Variants in NKAIN2 observed in about 807,000 individuals in gnomAD.
The protein encoded by NKAIN2 is sodium/potassium transporting ATPase interacting 2.
A neutral mutation model predicts 32.6 loss-of-function variants in NKAIN2; 14 were observed. The observed-to-expected ratio is 0.43, with a 90% CI of 0.28 to 0.67. The LOEUF (loss-of-function observed/expected upper bound fraction) is 0.67. Among genes scored for constraint, NKAIN2 ranks in the 30% least tolerant of loss-of-function variants. The pLI, the probability that NKAIN2 is intolerant of heterozygous loss-of-function variation, is 0.17. For missense variants in NKAIN2, 198 were observed against 258.3 expected (o/e 0.77, Z 1.60); for synonymous variants, 80 against 87.2 (o/e 0.92, Z 0.46).
intron 4 of NKAIN2, among the ~76,000 whole-genome samples, chr6:124,695,385 A>G (rs919152451): frequency 6.6e-6 from 1 of 152,348 alleles, no homozygotes; most frequent in South Asian, 2.1e-4. Flanking sequence ...GGGCAAATCT[A>G]TTCTTACCAG....
At chr6:124,349,680 G>A (rs1798621331) in intron 2 of NKAIN2, among the ~76,000 whole-genome samples, 1 of 152,022 alleles carries the variant, frequency 6.6e-6, no homozygotes, top group Non-Finnish European at 1.5e-5. Flanking sequence ...TACTACCTTG[G>A]TCTACCTTTC....
intron 3 of NKAIN2, among the ~76,000 whole-genome samples, chr6:124,559,783 GC>G (rs1780616346): frequency 6.8e-6 from 1 of 147,076 alleles, no homozygotes; most frequent in African/African-American, 2.5e-5. Context: ...GTGGAGCAGA[GC>G]CCCCTCAGCT....
intron 1 of NKAIN2, among the ~76,000 whole-genome samples, chr6:123,979,460 C>A (rs1433373461): frequency 6.6e-6 from 1 of 152,108 alleles, no homozygotes; most frequent in African/African-American, 2.4e-5. Flanking sequence ...GTATGCTGAG[C>A]AATTTGGACA....
intron 3 of NKAIN2, among the ~76,000 whole-genome samples, chr6:124,536,479 A>G (rs921712306): frequency 1.8e-4 from 28 of 152,026 alleles, no homozygotes; most frequent in Admixed American, 1.1e-3. Flanking sequence ...TCATGCCCTC[A>G]GTCTTTGCTA....
At chr6:124,318,747 A>G (rs181834617) in intron 2 of NKAIN2, among the ~76,000 whole-genome samples, 70 of 143,746 alleles carry the variant, frequency 4.9e-4, no homozygotes, top group African/African-American at 2.0e-3. Flanking sequence ...GTACAGAAAC[A>G]AGAGTGCAGC....
intron 5 of NKAIN2, among the ~76,000 whole-genome samples, chr6:124,817,689 T>C (rs900774994): frequency 3.3e-5 from 5 of 152,320 alleles, no homozygotes; most frequent in African/African-American, 1.2e-4. Flanking sequence ...AGTCACATTG[T>C]AAAAACATAT....
chr6:124,337,214 T>G (rs1019224865), intron 2 of NKAIN2, among the ~76,000 whole-genome samples: 1 of 152,160 alleles, frequency 6.6e-6, no homozygotes, highest in South Asian at 2.1e-4. Context: ...AAAAAAATAC[T>G]CGCTGGGTGT....
At chr6:124,703,625 T>C (rs771606856) in intron 4 of NKAIN2, among the ~76,000 whole-genome samples, 58 of 152,028 alleles carry the variant, frequency 3.8e-4, no homozygotes, top group Non-Finnish European at 7.4e-4. Context: ...CTGACAAGTG[T>C]GTGGAAAACA....
chr6:124,670,860 T>C (rs1199871255), intron 4 of NKAIN2, among the ~76,000 whole-genome samples: 1 of 151,910 alleles, frequency 6.6e-6, no homozygotes, highest in African/African-American at 2.4e-5. Flanking sequence ...CCAAAGAAAA[T>C]GGAACTTATC....
At chr6:124,771,838 G>T (rs1361183104) in intron 4 of NKAIN2, among the ~76,000 whole-genome samples, 1 of 152,172 alleles carries the variant, frequency 6.6e-6, no homozygotes, top group Admixed American at 6.5e-5. Context: ...GAAGAAGCCA[G>T]AAGAGTTCTC....
intron 3 of NKAIN2, among the ~76,000 whole-genome samples, chr6:124,434,243 T>C (rs1295802148): frequency 6.6e-6 from 1 of 152,128 alleles, no homozygotes; most frequent in Non-Finnish European, 1.5e-5. Context: ...ATATGTCTCT[T>C]TTATTTGGGA....
chr6:124,602,359 C>T (rs529468624), intron 3 of NKAIN2, among the ~76,000 whole-genome samples: 3 of 151,944 alleles, frequency 2.0e-5, no homozygotes, highest in African/African-American at 7.2e-5. Context: ...ATTTTTTATT[C>T]GGGTTCATTT....
intron 5 of NKAIN2, among the ~76,000 whole-genome samples, chr6:124,801,495 G>T (rs1338201668): frequency 6.6e-6 from 1 of 152,090 alleles, no homozygotes; most frequent in African/African-American, 2.4e-5. Context: ...GTCAAGATTC[G>T]AAGTATACTT....
chr6:124,794,435 C>T (rs1224182572), intron 5 of NKAIN2, among the ~76,000 whole-genome samples: 1 of 152,136 alleles, frequency 6.6e-6, no homozygotes, highest in Non-Finnish European at 1.5e-5. Context: ...ATCTCTCAAT[C>T]ATCTAATAAG....
At chr6:123,940,863 A>T (rs971788673) in intron 1 of NKAIN2, among the ~76,000 whole-genome samples, 4 of 151,982 alleles carry the variant, frequency 2.6e-5, no homozygotes, top group Non-Finnish European at 1.5e-5. Flanking sequence ...TTCATTCTTC[A>T]ATAATAAATT....
At chr6:124,382,106 A>G (rs1772670195) in intron 3 of NKAIN2, among the ~76,000 whole-genome samples, 1 of 128,490 alleles carries the variant, frequency 7.8e-6, no homozygotes, top group Non-Finnish European at 1.7e-5. Flanking sequence ...TTATTGAGGT[A>G]ATGCAATTAC....
chr6:124,713,627 G>C (rs1284477319), intron 4 of NKAIN2, among the ~76,000 whole-genome samples: 1 of 152,132 alleles, frequency 6.6e-6, no homozygotes, highest in East Asian at 1.9e-4. Flanking sequence ...AAAGGTTTTA[G>C]AGCCATTGTG....
intron 2 of NKAIN2, among the ~76,000 whole-genome samples, chr6:124,348,865 A>C (rs2115118028): frequency 6.6e-6 from 1 of 152,248 alleles, no homozygotes; most frequent in African/African-American, 2.4e-5. Flanking sequence ...GTGACAGACA[A>C]CACCTGGAAA....
intron 3 of NKAIN2, among the ~76,000 whole-genome samples, chr6:124,465,625 A>T (rs921926293): frequency 1.8e-4 from 13 of 73,294 alleles, no homozygotes; most frequent in East Asian, 1.6e-3. Flanking sequence ...GACTTAAAGT[A>T]AAGTTAAAAA....
Sources: gnomAD v4.1 joint callset for allele counts (sites outside exome capture counted in the v4.1 genomes callset) on GRCh38, gnomAD v4.1.1 for gene constraint, MANE v1.5 for transcripts, NCBI Gene and HGNC (gene_info 2026-07-23, HGNC 2026-07-21) for gene names.